The following RALGPS1 variants were observed in gnomAD, a reference collection of about 807,000 sequenced individuals.
RALGPS1 encodes ras-specific guanine nucleotide-releasing factor RalGPS1.
Under a neutral mutation model 78.8 loss-of-function variants are expected in RALGPS1, and 19 were observed. The observed-to-expected ratio is 0.24, with a 90% CI of 0.17 to 0.35. The LOEUF is 0.35. RALGPS1 is among the 10% of genes least tolerant of loss of function. The pLI is 1.00. For synonymous variants in RALGPS1, 228 were observed against 256.3 expected (o/e 0.89, Z 1.06); for missense variants, 454 against 688.3 (o/e 0.66, Z 3.81).
chr9:127,078,269 G>T (rs1194159899), intron 8 of RALGPS1, among the ~76,000 whole-genome samples: 4 of 152,148 alleles, frequency 2.6e-5, no homozygotes, highest in Non-Finnish European at 5.9e-5. Flanking sequence ...GGAAGAGATT[G>T]CCTTTACTTT....
At chr9:127,093,271 A>G (rs2052697428) in intron 8 of RALGPS1, among the ~76,000 whole-genome samples, 1 of 152,120 alleles carries the variant, frequency 6.6e-6, no homozygotes, top group South Asian at 2.1e-4. Flanking sequence ...TGGAATTAGG[A>G]CTTGAGCATT....
chr9:126,988,915 T>G (rs1250931785), intron 4 of RALGPS1, among the ~76,000 whole-genome samples: 7 of 151,980 alleles, frequency 4.6e-5, no homozygotes, highest in African/African-American at 7.3e-5. Context: ...AGCAGGGTGA[T>G]CAGCAATGTT....
chr9:127,002,611 C>T (rs528745442), intron 4 of RALGPS1, among the ~76,000 whole-genome samples: 1 of 123,354 alleles, frequency 8.1e-6, no homozygotes, highest in African/African-American at 3.1e-5. Context: ...CCCACCCCAC[C>T]ACAGTCCCTA....
chr9:126,937,503 G>A (rs188672219), intron 1 of RALGPS1, among the ~76,000 whole-genome samples: 84 of 152,274 alleles, frequency 5.5e-4, no homozygotes, highest in African/African-American at 2.0e-3. Context: ...ATGACAATGG[G>A]TTTACATCCT....
intron 14 of RALGPS1, chr9:127,210,694 G>T: frequency 6.5e-7 from 1 of 1,549,728 alleles, no homozygotes; most frequent in Non-Finnish European, 8.7e-7. Context: ...TTCCTCTGAA[G>T]CAGGGGACGT....
At chr9:127,050,832 G>C (rs941427243) in intron 6 of RALGPS1, among the ~76,000 whole-genome samples, 1 of 152,180 alleles carries the variant, frequency 6.6e-6, no homozygotes, top group Non-Finnish European at 1.5e-5. Flanking sequence ...CTGTTTCGCT[G>C]CTTGCTTCAT....
intron 11 of RALGPS1, chr9:127,177,808 C>G: frequency 6.5e-7 from 1 of 1,541,736 alleles, no homozygotes; most frequent in Non-Finnish European, 8.8e-7. Flanking sequence ...AGCTGGGCAG[C>G]TAGGAGCCAG....
rs1462921143 is a variant in RALGPS1, at chr9:127,034,357, T to G, written c.217-74T>G. 20 of 1,312,086 alleles carry G rather than the reference T, an allele frequency of 1.5e-5. No homozygotes were observed. The Admixed American group carries it at 3.2e-4, about 21-fold the overall frequency. 81.3% of individuals were successfully genotyped at this position (1,312,086 alleles called of 1,614,324 possible). A position where few individuals can be genotyped will look rare whatever the true frequency, so the allele number is the denominator to read the frequency against. On this transcript the variant is annotated intron_variant, in intron 4 of 18. Transcript: ENST00000259351. ...TTTCCCACCTTCATGCATGCTCATG[T>G]TCCCATTTAATGCCCCTGGTGTATT... is the stretch of plus-strand genomic sequence containing the variant.
intron 8 of RALGPS1, among the ~76,000 whole-genome samples, chr9:127,137,976 T>A (rs920394269): frequency 2.0e-5 from 3 of 152,076 alleles, no homozygotes; most frequent in African/African-American, 7.2e-5. Flanking sequence ...GCCACTAATA[T>A]CAGTATGATT....
At chr9:126,945,544 T>G (rs1346912952) in intron 1 of RALGPS1, among the ~76,000 whole-genome samples, 1 of 152,218 alleles carries the variant, frequency 6.6e-6, no homozygotes, top group Non-Finnish European at 1.5e-5. Context: ...TCTTTCAGTC[T>G]GAGGATGTGC....
intron 8 of RALGPS1, among the ~76,000 whole-genome samples, chr9:127,131,025 T>A (rs2056969007): frequency 6.6e-6 from 1 of 152,256 alleles, no homozygotes; most frequent in Non-Finnish European, 1.5e-5. Context: ...CACATGCATA[T>A]GTGCACTCGC....
chr9:126,997,051 C>T (rs940771925), intron 4 of RALGPS1, among the ~76,000 whole-genome samples: 9 of 152,292 alleles, frequency 5.9e-5, no homozygotes, highest in East Asian at 1.9e-4. Flanking sequence ...TAAGAGCTAT[C>T]TATGACAACC....
At chr9:127,013,197 T>G (rs1589015364) in intron 4 of RALGPS1, among the ~76,000 whole-genome samples, 1 of 152,160 alleles carries the variant, frequency 6.6e-6, no homozygotes, top group Non-Finnish European at 1.5e-5. Context: ...CAGATTAGTT[T>G]GATCTAAAGC....
At chr9:127,141,141 A>G (rs539851822) in intron 8 of RALGPS1, among the ~76,000 whole-genome samples, 7 of 152,276 alleles carry the variant, frequency 4.6e-5, no homozygotes, top group African/African-American at 1.7e-4. Flanking sequence ...CAGCTGGTGC[A>G]GCATCTGGGA....
At chr9:127,060,768 G>A (rs1450696164) in intron 7 of RALGPS1, among the ~76,000 whole-genome samples, 1 of 152,150 alleles carries the variant, frequency 6.6e-6, no homozygotes, top group Non-Finnish European at 1.5e-5. Context: ...ATAGTTTTTA[G>A]TGTTCTCCCT....
chr9:126,921,571 C>T, intron 1 of RALGPS1, among the ~76,000 whole-genome samples: 1 of 152,200 alleles, frequency 6.6e-6, no homozygotes, highest in East Asian at 1.9e-4. Flanking sequence ...TCGTGTTCTT[C>T]TTTGCAGGAG....
intron 4 of RALGPS1, among the ~76,000 whole-genome samples, chr9:127,019,952 C>T (rs946195884): frequency 6.6e-6 from 1 of 152,098 alleles, no homozygotes; most frequent in Non-Finnish European, 1.5e-5. Flanking sequence ...ATGAATGTTA[C>T]ATTTTTCCAA....
intron 1 of RALGPS1, among the ~76,000 whole-genome samples, chr9:126,955,616 A>G (rs1197807351): frequency 6.6e-6 from 1 of 152,180 alleles, no homozygotes; most frequent in Admixed American, 6.5e-5. Flanking sequence ...AAATTATTTA[A>G]AAAACAATTT....
At chr9:127,070,320 C>T (rs746596186) in intron 8 of RALGPS1, among the ~76,000 whole-genome samples, 11 of 152,144 alleles carry the variant, frequency 7.2e-5, no homozygotes, top group Non-Finnish European at 1.3e-4. Context: ...GTTGGGAACC[C>T]CTGATTTAAG....
Sources: gnomAD v4.1 joint callset for allele counts (sites outside exome capture counted in the v4.1 genomes callset) on GRCh38, gnomAD v4.1.1 for gene constraint, MANE v1.5 for transcripts, NCBI Gene and HGNC (gene_info 2026-07-23, HGNC 2026-07-21) for gene names.